The following AURKC variants were observed in gnomAD, a reference collection of about 807,000 sequenced individuals.
AURKC encodes ARK-3.
In AURKC, 15 loss-of-function variants were observed where a neutral mutation model predicts 29.2. That is an observed-to-expected ratio of 0.51 (90% CI 0.34 to 0.79). AURKC has a LOEUF of 0.79. Ranked by LOEUF, AURKC falls within the 30% of genes least tolerant of loss-of-function variation. The pLI is 0.01. For missense variants in AURKC, 332 were observed against 383.2 expected, an observed-to-expected ratio of 0.87 and a Z score of 1.12; for synonymous variants, 150 against 149.9, an observed-to-expected ratio of 1.00 and a Z score of -0.01.
intron 5 of AURKC, among the ~76,000 whole-genome samples, chr19:57,234,338 G>A (rs1192786627): frequency 1.3e-5 from 2 of 152,220 alleles, no homozygotes; most frequent in African/African-American, 4.8e-5. Flanking sequence ...TCATAGGCAT[G>A]AGCCACGATG....
In AURKC at chr19:57,232,020, CCT is replaced by C. The variant is rs1422507417; in HGVS notation, c.105-9_105-8del. ...CCTCCCAAGCTGAGGCTTTTTTCTT[CCT>C]CTCCTGTCAGGCGGCGCCTCACAGT... On this transcript the variant is annotated splice_polypyrimidine_tract_variant and intron_variant, in intron 2 of 6. Coordinates refer to ENST00000302804, the MANE Select transcript of AURKC (RefSeq NM_001015878.2). This position sits in a 1 kb window ranked among gnomAD's most constrained non-coding sequence, Gnocchi z 4.5. 5 of 1,613,990 alleles carry C rather than the reference CCT, an allele frequency of 3.1e-6. No homozygotes were observed. The highest frequency in any genetic ancestry group is 4.2e-6 in the Non-Finnish European group (5 of 1,180,016).
rs377697885 is a variant in AURKC, at chr19:57,234,943, C to T, written c.644C>T (p.Thr215Ile). Residue 215 changes from threonine to isoleucine, a missense_variant, in exon 6 of 7, where the codon ACA becomes ATA. Coordinates refer to ENST00000302804, the MANE Select transcript of AURKC (RefSeq NM_001015878.2). ...YLPPEMIEGR[T>I]YDEKVDLWCI... The stretch of plus-strand genomic sequence containing the variant: ...CCGCCAGAAATGATTGAGGGGAGAA[C>T]ATATGATGAAAAGGTGGATTTGTGG... 8.1e-6 allele frequency: 13 copies of T among 1,614,048 alleles called. No individual in the cohort carries two copies. The Admixed American group carries it at 2.2e-4, about 27-fold the overall frequency.
At chr19:57,231,941 A>C in intron 2 of AURKC, 92 bp from the exon 3 acceptor site, 2 of 1,602,536 alleles carry the variant, frequency 1.2e-6, no homozygotes, top group Non-Finnish European at 1.7e-6. Context: ...GGAAGGATAC[A>C]ATGAAAGAGG....
intron 4 of AURKC, among the ~76,000 whole-genome samples, chr19:57,233,178 T>G (rs1402401870): frequency 6.6e-6 from 1 of 152,188 alleles, no homozygotes; most frequent in African/African-American, 2.4e-5. Flanking sequence ...CTGTGAGAGA[T>G]CATCTGAGTG....
chr19:57,235,102 G>A (rs1236158803), intron 6 of AURKC, 44 bp downstream of exon 6: 1 of 1,613,494 alleles, frequency 6.2e-7, no homozygotes. Context: ...GCTGGTCAGT[G>A]ATGGCTGCTG....
intron 5 of AURKC, among the ~76,000 whole-genome samples, chr19:57,234,292 G>A (rs1010239690): frequency 2.0e-5 from 3 of 152,094 alleles, no homozygotes; most frequent in Non-Finnish European, 4.4e-5. Context: ...CTGACCTCAG[G>A]TAATCTGCCT....
In AURKC at chr19:57,231,852, C is replaced by T; in HGVS notation, c.104+65C>T. 4 of 1,613,566 alleles carry T rather than the reference C, an allele frequency of 2.5e-6. No homozygotes were observed. The South Asian group carries it at 4.4e-5, about 18-fold the overall frequency. On this transcript the variant is annotated intron_variant, in intron 2 of 6. Coordinates refer to ENST00000302804, the MANE Select transcript of AURKC (RefSeq NM_001015878.2). ...GTGGGACGTGGGGATGAAGAACAGA[C>T]TGGGTGTGTGGGGTGCTGGCTCCTG...
In AURKC at chr19:57,235,509, G is replaced by C. The variant is rs551344351; in HGVS notation, c.*92G>C. On this transcript the variant is annotated 3_prime_UTR_variant, in exon 7 of 7. Transcript: ENST00000302804. ...TCTTTATTTTTTTCTCTTTTAAGAT[G>C]TAAGATGCTAATTAATAAAAGCTGA... 2 of 1,470,146 alleles carry C rather than the reference G, an allele frequency of 1.4e-6. No individual in the cohort carries two copies. Among genetic ancestry groups the C allele is most frequent in the African/African-American group, 2.8e-5 (2 of 71,990 alleles). 91.1% of individuals were successfully genotyped at this position (1,470,146 alleles called of 1,614,324 possible). A position where few individuals can be genotyped will look rare whatever the true frequency, so the allele number is the denominator to read the frequency against.
At chr19:57,234,624 A>G (rs951632280) in intron 5 of AURKC, among the ~76,000 whole-genome samples, 3 of 152,212 alleles carry the variant, frequency 2.0e-5, no homozygotes, top group Non-Finnish European at 4.4e-5. Context: ...AATGCTGAGA[A>G]TATTCTTGTG....
In AURKC at chr19:57,231,292, C is replaced by T; in HGVS notation, c.44C>T (p.Pro15Leu). The change falls in exon 1 of 7, where the codon CCT becomes CTT. Residue 15 changes from proline to leucine, a missense_variant. Physicochemically the swap from Pro to Leu is moderately conservative, Grantham distance 98. Transcript: ENST00000302804. The stretch of plus-strand genomic sequence containing the variant: ...GTGGTGCAGCTGGGCAAAGCTCAAC[C>T]TGCAGGCGAAGAGTGTGAGAGCCAG... The part of the protein sequence containing the change: ...RAVVQLGKAQ[P>L]AGEELATANQ... 1.3e-6 allele frequency: 2 copies of T among 1,553,194 alleles called. No homozygotes were observed. The highest frequency in any genetic ancestry group is 1.2e-5 in the South Asian group (1 of 84,134).
rs1360082157 is a variant in AURKC at position 57,235,334 on chromosome 19, C to T, written c.847C>T (p.Pro283Ser). 1.2e-6 allele frequency: 2 copies of T among 1,614,042 alleles called. No individual in the cohort carries two copies. Among genetic ancestry groups the T allele is most frequent in the Admixed American group, 3.3e-5 (2 of 60,008 alleles). The stretch of plus-strand genomic sequence containing the variant: ...CAGATACCAGCCCTTGGAGAGACTG[C>T]CCCTGGCCCAGATCCTGAAGCACCC... ...LLRYQPLERL[P>S]LAQILKHPWV... The change falls in exon 7 of 7, where the codon CCC becomes TCC. Residue 283 changes from proline to serine, a missense_variant. Transcript: ENST00000302804.
rs909172464 is a variant in AURKC, at chr19:57,232,765, G to C, written c.435+85G>C. The C allele has an allele frequency of 1.3e-6, 2 of 1,561,668 alleles. No individual in the cohort carries two copies. The highest frequency in any genetic ancestry group is 1.8e-6 in the Non-Finnish European group (2 of 1,137,976). ...CTGTTTGTGGCTGTCAGGAGGGTCC[G>C]CATTGCCTTCTGAGAAGTTTACTTC... On this transcript the variant is annotated intron_variant, in intron 4 of 6. Coordinates refer to ENST00000302804, the MANE Select transcript of AURKC (RefSeq NM_001015878.2). This position sits in a 1 kb window ranked among gnomAD's most constrained non-coding sequence, Gnocchi z 4.5.
chr19:57,232,402 C>A lies in AURKC; in HGVS notation c.297-140C>A. 1 of 1,457,276 alleles carries A rather than the reference C, an allele frequency of 6.9e-7. No homozygotes were observed. The highest frequency in any genetic ancestry group is 9.5e-7 in the Non-Finnish European group (1 of 1,048,956). 90.3% of individuals were successfully genotyped at this position (1,457,276 alleles called of 1,614,324 possible). ...CGAATCCTGGTTCCTGTTCTCCGTT[C>A]TCCCCTCACTTGCTCCCAGATAGGG... On this transcript the variant is annotated intron_variant, in intron 3 of 6. Coordinates refer to ENST00000302804, the MANE Select transcript of AURKC (RefSeq NM_001015878.2). This position sits in a 1 kb window ranked among gnomAD's most constrained non-coding sequence, Gnocchi z 4.5.
rs1487481007 is a variant in AURKC, at chr19:57,231,145, C to T, written c.-104C>T. 5.1e-6 allele frequency: 7 copies of T among 1,381,298 alleles called. No individual in the cohort carries two copies. Among genetic ancestry groups the T allele is most frequent in the East Asian group, 5.3e-5 (2 of 37,858 alleles). 85.6% of individuals were successfully genotyped at this position (1,381,298 alleles called of 1,614,324 possible). On this transcript the variant is annotated 5_prime_UTR_variant, in exon 1 of 7. Coordinates refer to ENST00000302804, the MANE Select transcript of AURKC (RefSeq NM_001015878.2). ...GCTGCAGGACGAGCAGGATTGGAAG[C>T]GCCCCGGCCAGAAAGTGACCCCCCA...
chr19:57,233,354 A>G, intron 4 of AURKC, 106 bp from the exon 5 acceptor site: 1 of 1,539,110 alleles, frequency 6.5e-7, no homozygotes, highest in South Asian at 1.1e-5. Flanking sequence ...GAGTTACTGG[A>G]CCAAAAAGAT....
chr19:57,231,773 C>G lies in AURKC; in HGVS notation c.90C>G (p.Pro30=). ...CAGCAAACCAAACAGCCCAGCAGCC[C>G]AGCAGCCCAGCCATGTGAGTCCCTT... ...LATANQTAQQ[P]SSPAMRRLTV... is the part of the protein sequence containing the mutation. The change falls in exon 2 of 7, where the codon CCC becomes CCG. Residue 30 remains proline (P), a synonymous_variant. Coordinates refer to ENST00000302804, the MANE Select transcript of AURKC (RefSeq NM_001015878.2). The G allele has an allele frequency of 6.2e-7, 1 of 1,613,962 alleles. No individual in the cohort carries two copies. Among genetic ancestry groups the G allele is most frequent in the South Asian group, 1.1e-5 (1 of 91,078 alleles).
At position 57,232,196 on chromosome 19, in the gene AURKC, C is replaced by T. The variant is rs1382593516; in HGVS notation, c.268C>T (p.Arg90Trp). Residue 90 changes from arginine to tryptophan, a missense_variant, in exon 3 of 7, where the codon CGG (arginine) becomes TGG (tryptophan). Transcript: ENST00000302804. This position sits in a 1 kb window ranked among gnomAD's most constrained non-coding sequence, Gnocchi z 4.5. ...EKEGLEHQLR[R>W]EIEIQAHLQH... Reference sequence around the variant, plus strand: ...GGAAGGACTGGAGCACCAGCTGCGCCGGGAAATTGAGATCCAGGCTCATCT... The same window carrying T: ...GGAAGGACTGGAGCACCAGCTGCGCTGGGAAATTGAGATCCAGGCTCATCT... 2.5e-6 allele frequency: 4 copies of T among 1,613,978 alleles called. No homozygotes were observed. The highest frequency in any genetic ancestry group is 3.4e-6 in the Non-Finnish European group (4 of 1,180,032).
intron 5 of AURKC, among the ~76,000 whole-genome samples, chr19:57,234,107 GAT>G (rs2087522638): frequency 2.3e-5 from 3 of 131,436 alleles, no homozygotes; most frequent in Non-Finnish European, 4.7e-5. Context: ...GCCCAGGCTA[GAT>G]TGCAATAGTG....
chr19:57,231,611 C>T (rs1027894787), intron 1 of AURKC, 131 bp from the exon 2 acceptor site: 7 of 903,832 alleles, frequency 7.7e-6, no homozygotes, highest in South Asian at 1.4e-5. Context: ...CCCTCTCTTT[C>T]TCTCCTCCCC....
Sources: gnomAD v4.1 joint callset for allele counts (sites outside exome capture counted in the v4.1 genomes callset) on GRCh38, gnomAD v4.1.1 for gene constraint, Gnocchi (gnomAD v3.1) non-coding constraint, MANE v1.5 for transcripts, NCBI Gene and HGNC (gene_info 2026-07-23, HGNC 2026-07-21) for gene names.